The following SYT16 variants were observed in gnomAD, a reference collection of about 807,000 sequenced individuals.
SYT16 encodes synaptotagmin 16.
In SYT16, 42 loss-of-function variants were observed where a neutral mutation model predicts 61.4. The ratio of observed to expected loss-of-function variants is 0.68; its 90% CI spans 0.53 to 0.89. The LOEUF (loss-of-function observed/expected upper bound fraction) is 0.89, where lower values mean the gene tolerates loss of function less well. SYT16 is among the 40% of genes least tolerant of loss of function. SYT16 has a pLI of 0.00. For synonymous variants in SYT16, 314 were observed against 302.3 expected (o/e 1.04, Z -0.40); for missense variants, 804 against 807.3 (o/e 1.00, Z 0.05).
intron 3 of SYT16, among the ~76,000 whole-genome samples, chr14:62,006,613 A>G (rs188099514): frequency 1.6e-3 from 243 of 152,296 alleles, no homozygotes; most frequent in Non-Finnish European, 2.6e-3. Context: ...AAATAGATAC[A>G]CTTCATTTAG....
At chr14:62,067,884 G>A (rs1165074715) in intron 3 of SYT16, among the ~76,000 whole-genome samples, 1 of 152,188 alleles carries the variant, frequency 6.6e-6, no homozygotes, top group Non-Finnish European at 1.5e-5. Context: ...TACTCTGGTG[G>A]CTGAGGCACG....
At chr14:61,867,071 T>C (rs1282253583) in intron 1 of SYT16, among the ~76,000 whole-genome samples, 2 of 152,046 alleles carry the variant, frequency 1.3e-5, no homozygotes, top group African/African-American at 2.4e-5. Flanking sequence ...TGTTTGAGAT[T>C]ATTTCTGGAG....
chr14:61,841,157 GTCTCTTAGGGT>G (rs1430243744), intron 1 of SYT16, among the ~76,000 whole-genome samples: 1 of 152,142 alleles, frequency 6.6e-6, no homozygotes, highest in Non-Finnish European at 1.5e-5. Context: ...GTAACCCAAG[GTCTCTTAGGGT>G]TATCTGGAAA....
chr14:61,814,291 G>GAA (rs34500721), intron 1 of SYT16, among the ~76,000 whole-genome samples: 1 of 151,752 alleles, frequency 6.6e-6, no homozygotes, highest in African/African-American at 2.4e-5. Context: ...TGTGTGTTTA[G>GAA]AAAAAAAATT....
intron 1 of SYT16, among the ~76,000 whole-genome samples, chr14:61,870,371 C>CTT (rs1039691817): frequency 6.7e-6 from 1 of 148,980 alleles, no homozygotes. Flanking sequence ...AATGTGATAT[C>CTT]TTTTTTTTTT....
intron 1 of SYT16, among the ~76,000 whole-genome samples, chr14:61,829,683 C>T (rs1676048592): frequency 6.7e-6 from 1 of 149,902 alleles, no homozygotes; most frequent in African/African-American, 2.5e-5. Context: ...GAGACGGAGT[C>T]TCGCTCTGTC....
In SYT16 at chr14:61,975,271, CTG is replaced by C. The variant is rs1392606358; in HGVS notation, c.-145+4961_-145+4962del. On this transcript the variant is annotated intron_variant, in intron 2 of 7. Coordinates refer to ENST00000683842, the MANE Select transcript of SYT16 (RefSeq NM_001367656.1). ...AATCTCCATTTTATAGATGAGAAAA[CTG>C]AGGGTGAGAGAGGTGAATTTTTTTT... Among the ~76,000 whole-genome samples, 6 of 152,052 alleles carry C rather than the reference CTG, an allele frequency of 3.9e-5. No individual in the cohort carries two copies. The East Asian group carries it at 1.2e-3, about 29-fold the overall frequency.
chr14:61,958,327 T>C (rs1392206019), intron 1 of SYT16, among the ~76,000 whole-genome samples: 1 of 151,788 alleles, frequency 6.6e-6, no homozygotes, highest in Non-Finnish European at 1.5e-5. Flanking sequence ...TTTTGTTTAG[T>C]ATTTTTTTAT....
At chr14:61,993,485 A>G (rs1204920229) in intron 2 of SYT16, among the ~76,000 whole-genome samples, 2 of 152,162 alleles carry the variant, frequency 1.3e-5, no homozygotes, top group African/African-American at 4.8e-5. Context: ...TGTGTGTAAT[A>G]GAATGATGGA....
chr14:62,049,817 TG>T (rs2055185552), intron 3 of SYT16, among the ~76,000 whole-genome samples: 1 of 152,260 alleles, frequency 6.6e-6, no homozygotes, highest in African/African-American at 2.4e-5. Flanking sequence ...TCTTCTGGCT[TG>T]TAGAGTTTCT....
At chr14:61,830,864 C>T (rs533959933) in intron 1 of SYT16, among the ~76,000 whole-genome samples, 10 of 152,222 alleles carry the variant, frequency 6.6e-5, no homozygotes, top group Admixed American at 4.6e-4. Flanking sequence ...GAGGAGAAGG[C>T]GTGCTACTTC....
At chr14:61,977,060 T>C (rs2051839382) in intron 2 of SYT16, among the ~76,000 whole-genome samples, 1 of 152,152 alleles carries the variant, frequency 6.6e-6, no homozygotes, top group Non-Finnish European at 1.5e-5. Context: ...TGGCCTTTGC[T>C]CCTGTTTCCA....
At chr14:62,019,397 G>A (rs2140750151) in intron 3 of SYT16, among the ~76,000 whole-genome samples, 1 of 152,144 alleles carries the variant, frequency 6.6e-6, no homozygotes, top group Middle Eastern at 3.4e-3. Context: ...GGTTTTTGGA[G>A]CCATCTGGGT....
Position 62,081,274 on chromosome 14 carries a change from C to A in SYT16, c.1434C>A (p.Ser478Arg). ...TTCTGGAGCCAAGAAGTAATATAAG[C>A]GTGAGTATGTTAAATGGTGCTGCTA... ...TLVLEPRSNI[S>R]SGGSPLSPSA... The change falls in exon 6 of 8, where the codon AGC (serine) becomes AGA (arginine). Residue 478 changes from serine to arginine, a missense_variant and splice_region_variant. Ser to Arg is a moderately radical substitution (Grantham distance 110). Transcript: ENST00000683842. The A allele has an allele frequency of 6.2e-7, 1 of 1,611,870 alleles. No individual in the cohort carries two copies. The highest frequency in any genetic ancestry group is 8.5e-7 in the Non-Finnish European group (1 of 1,178,792).
At chr14:61,891,493 A>T (rs1398039139) in intron 1 of SYT16, among the ~76,000 whole-genome samples, 1 of 152,192 alleles carries the variant, frequency 6.6e-6, no homozygotes, top group African/African-American at 2.4e-5. Context: ...GGCCTGTGGG[A>T]TCAAGATAAT....
intron 1 of SYT16, among the ~76,000 whole-genome samples, chr14:61,836,556 CT>C (rs2046136483): frequency 6.6e-6 from 1 of 152,208 alleles, no homozygotes; most frequent in Admixed American, 6.5e-5. Flanking sequence ...CCTCATTTTC[CT>C]TTCTACTCCA....
At chr14:62,097,251 G>C (rs2057300496) in intron 7 of SYT16, among the ~76,000 whole-genome samples, 1 of 152,070 alleles carries the variant, frequency 6.6e-6, no homozygotes, top group Non-Finnish European at 1.5e-5. Flanking sequence ...CAGTTGACAG[G>C]GCTGTCAAGG....
At chr14:61,999,757 TTTCA>T (rs2052918150) in intron 3 of SYT16, among the ~76,000 whole-genome samples, 1 of 151,802 alleles carries the variant, frequency 6.6e-6, no homozygotes, top group African/African-American at 2.4e-5. Flanking sequence ...TTGTTTTTAT[TTTCA>T]TTCAATTAAA....
At chr14:61,976,117 C>T (rs890221417) in intron 2 of SYT16, among the ~76,000 whole-genome samples, 5 of 152,214 alleles carry the variant, frequency 3.3e-5, no homozygotes, top group African/African-American at 9.6e-5. Flanking sequence ...AATCTTAAAG[C>T]TCTGAAATGG....
Sources: gnomAD v4.1 joint callset for allele counts (sites outside exome capture counted in the v4.1 genomes callset) on GRCh38, gnomAD v4.1.1 for gene constraint, MANE v1.5 for transcripts, NCBI Gene and HGNC (gene_info 2026-07-23, HGNC 2026-07-21) for gene names.